EYA1: variants seen among roughly 807,000 people sequenced by gnomAD.
EYA1 encodes protein phosphatase EYA1.
A neutral mutation model predicts 82.0 loss-of-function variants in EYA1; 16 were observed. The observed-to-expected ratio is 0.20, with a 90% confidence interval of 0.13 to 0.30. The LOEUF is 0.30. EYA1 is among the 10% of genes least tolerant of loss of function. EYA1 has a pLI of 1.00. For missense variants in EYA1, 633 were observed against 730.7 expected (o/e 0.87, Z 1.54); for synonymous variants, 261 against 264.4 (o/e 0.99, Z 0.12).
In EYA1 at chr8:71,297,629, A is replaced by C. The variant is rs202142889; in HGVS notation, c.826+1418T>G. On this transcript the variant is annotated intron_variant, in intron 9 of 17. Coordinates refer to ENST00000340726, the MANE Select transcript of EYA1 (RefSeq NM_000503.6). The stretch of plus-strand genomic sequence containing the variant: ...TCAAATGAAAAGGCAAGATCTCCCT[A>C]AAGTTGGGACAAGCCATTACCTTTC... Among the ~76,000 whole-genome samples the C allele has an allele frequency of 1.6e-4, 24 of 152,292 alleles. No homozygotes were observed. In the East Asian group the frequency reaches 3.7e-3, roughly 23 times the overall value.
intron 17 of EYA1, among the ~76,000 whole-genome samples, 166 bp from the exon 18 acceptor site, chr8:71,199,586 T>C: frequency 6.6e-6 from 1 of 152,124 alleles, no homozygotes; most frequent in Non-Finnish European, 1.5e-5. Context: ...AACTCAATCC[T>C]CCCCTAAGAA....
chr8:71,388,764 G>C (rs1003364898), intron 2 of EYA1, among the ~76,000 whole-genome samples: 1 of 152,136 alleles, frequency 6.6e-6, no homozygotes, highest in Non-Finnish European at 1.5e-5. Flanking sequence ...AGCAGCTTGG[G>C]TCAGAGGAAG....
At chr8:71,395,645 T>G (rs1172992966) in intron 2 of EYA1, among the ~76,000 whole-genome samples, 1 of 152,082 alleles carries the variant, frequency 6.6e-6, no homozygotes, top group African/African-American at 2.4e-5. Flanking sequence ...ATGAAGCCCA[T>G]TTGATCACGG....
At chr8:71,393,620 T>C (rs1005772473) in intron 2 of EYA1, among the ~76,000 whole-genome samples, 2 of 152,216 alleles carry the variant, frequency 1.3e-5, no homozygotes, top group African/African-American at 2.4e-5. Context: ...ACAAAGGACA[T>C]GAACTCACCC....
intron 9 of EYA1, among the ~76,000 whole-genome samples, chr8:71,278,957 C>G (rs1817511283): frequency 6.6e-6 from 1 of 152,302 alleles, no homozygotes; most frequent in East Asian, 1.9e-4. Flanking sequence ...TGAAAGACTA[C>G]TCTCCCTAAA....
chr8:71,472,788 G>GATATATATATATATATATATATATATAT (rs71264559), intron 2 of EYA1, among the ~76,000 whole-genome samples: 4 of 126,828 alleles, frequency 3.2e-5, no homozygotes, highest in East Asian at 3.5e-4. Context: ...TAGCTTTGAA[G>GATATATATATATATATATATATATATAT]ATATATATAT....
chr8:71,282,343 A>G (rs954384616), intron 9 of EYA1, among the ~76,000 whole-genome samples: 68 of 152,182 alleles, frequency 4.5e-4, no homozygotes, highest in African/African-American at 1.6e-3. Flanking sequence ...ACTGCCTTAC[A>G]GTGTACAGCA....
chr8:71,322,494 A>G (rs1044627746), intron 4 of EYA1: 7 of 543,114 alleles, frequency 1.3e-5, no homozygotes, highest in African/African-American at 7.6e-5. Flanking sequence ...TTTTAAATGA[A>G]CTCTTAGAAA....
At chr8:71,524,233 T>G (rs1224464868) in intron 2 of EYA1, among the ~76,000 whole-genome samples, 1 of 152,206 alleles carries the variant, frequency 6.6e-6, no homozygotes, top group Non-Finnish European at 1.5e-5. Flanking sequence ...ACCCTCCCAA[T>G]TTACCAGATG....
rs547955687 is a variant in EYA1, at chr8:71,387,321, A to G, written c.34-30810T>C. Among the ~76,000 whole-genome samples, 85 of 152,316 alleles carry G rather than the reference A, an allele frequency of 5.6e-4. 1 individual carries two copies. The highest frequency in any genetic ancestry group is 2.0e-3 in the African/African-American group (83 of 41,570). ...TAGAAACAACATGATGTCTTTATCA[A>G]TCTATATGCAGATGGGTGTTGACAT... On this transcript the variant is annotated intron_variant, in intron 2 of 18. Transcript: ENST00000643681.
chr8:71,235,161 C>T (rs1294226140), intron 12 of EYA1, among the ~76,000 whole-genome samples: 1 of 152,234 alleles, frequency 6.6e-6, no homozygotes, highest in Non-Finnish European at 1.5e-5. Flanking sequence ...TAATTGGTCT[C>T]ATTGGTTTCA....
intron 4 of EYA1, among the ~76,000 whole-genome samples, chr8:71,326,622 T>C (rs1208172867): frequency 6.6e-6 from 1 of 152,218 alleles, no homozygotes; most frequent in Non-Finnish European, 1.5e-5. Context: ...AAGGCAGGCC[T>C]GTTCCTGGGA....
At chr8:71,258,671 T>G (rs1814734812) in intron 11 of EYA1, among the ~76,000 whole-genome samples, 1 of 152,328 alleles carries the variant, frequency 6.6e-6, no homozygotes, top group South Asian at 2.1e-4. Context: ...AGTGACTAGG[T>G]TAAACTTTAT....
intron 2 of EYA1, among the ~76,000 whole-genome samples, chr8:71,533,335 G>A (rs1003359151): frequency 6.6e-6 from 1 of 152,172 alleles, no homozygotes; most frequent in Non-Finnish European, 1.5e-5. Flanking sequence ...ACGAGTAGGT[G>A]GGGGGAAGAT....
At chr8:71,318,432 C>T (rs2129026819) in intron 6 of EYA1, among the ~76,000 whole-genome samples, 1 of 152,234 alleles carries the variant, frequency 6.6e-6, no homozygotes, top group South Asian at 2.1e-4. Context: ...GTCTAAAGTA[C>T]CTTTGTTTTT....
intron 2 of EYA1, among the ~76,000 whole-genome samples, chr8:71,451,657 C>T (rs1403444097): frequency 6.6e-6 from 1 of 152,022 alleles, no homozygotes; most frequent in Non-Finnish European, 1.5e-5. Context: ...TATGTGGTTC[C>T]TCTTCTGAAA....
chr8:71,233,891 C>T (rs1176315137), intron 12 of EYA1, among the ~76,000 whole-genome samples: 1 of 152,118 alleles, frequency 6.6e-6, no homozygotes, highest in Non-Finnish European at 1.5e-5. Context: ...CATATGAGAG[C>T]CTTCCATGTA....
Position 71,303,313 on chromosome 8 carries a change from TATAC to T in EYA1, c.557-3597_557-3594del, listed in dbSNP as rs1421022634. ...ATCTCTGTGATGTACGTACATTTGA[TATAC>T]ACACACACACACACACACACATCCA... On this transcript the variant is annotated intron_variant, in intron 7 of 17. Transcript: ENST00000340726. Among the ~76,000 whole-genome samples, 332 of 102,590 alleles carry T rather than the reference TATAC, an allele frequency of 3.2e-3. 20 individuals are homozygous for T. The highest frequency in any genetic ancestry group is 0.013 in the African/African-American group (318 of 25,194). The allele number at this position is 102,590 out of a possible 152,430, so 67.3% of individuals were successfully genotyped here. A position where few individuals can be genotyped will look rare whatever the true frequency, so the allele number is the denominator to read the frequency against.
At chr8:71,540,868 C>T (rs1022213511) in intron 1 of EYA1, among the ~76,000 whole-genome samples, 3 of 152,132 alleles carry the variant, frequency 2.0e-5, no homozygotes, top group Non-Finnish European at 4.4e-5. Context: ...CATTGCTTTA[C>T]AGAAAAGAAA....
Sources: gnomAD v4.1 joint callset for allele counts (sites outside exome capture counted in the v4.1 genomes callset) on GRCh38, gnomAD v4.1.1 for gene constraint, MANE v1.5 for transcripts, NCBI Gene and HGNC (gene_info 2026-07-23, HGNC 2026-07-21) for gene names.